Variants in SLC30A8 observed in about 807,000 individuals in gnomAD.
The protein encoded by SLC30A8 is proton-coupled zinc antiporter SLC30A8.
In SLC30A8, 27 loss-of-function variants were observed where a neutral mutation model predicts 36.9. The observed-to-expected ratio is 0.73, with a 90% CI of 0.54 to 1.01. The LOEUF (loss-of-function observed/expected upper bound fraction) is 1.01, where lower values mean the gene tolerates loss of function less well. Among genes scored for constraint, SLC30A8 ranks in the 50% least tolerant of loss-of-function variants. The pLI, the probability that SLC30A8 is intolerant of heterozygous loss-of-function variation, is 0.00. For synonymous variants in SLC30A8, 164 were observed against 172.4 expected, an observed-to-expected ratio of 0.95 and a Z score of 0.38; for missense variants, 439 against 452.0, an observed-to-expected ratio of 0.97 and a Z score of 0.26.
chr8:117,135,992 A>C (rs1371225252), intron 1 of SLC30A8, among the ~76,000 whole-genome samples: 1 of 151,958 alleles, frequency 6.6e-6, no homozygotes, highest in Non-Finnish European at 1.5e-5. Context: ...TAAGTGCAGA[A>C]CTTATAATGA....
chr8:117,137,002 A>G (rs1326150709), intron 1 of SLC30A8, among the ~76,000 whole-genome samples: 2 of 152,036 alleles, frequency 1.3e-5, no homozygotes, highest in African/African-American at 4.8e-5. Context: ...AGATAGAACA[A>G]ATGCCTTTCT....
intron 2 of SLC30A8, among the ~76,000 whole-genome samples, chr8:117,045,899 A>G (rs2130764380): frequency 6.7e-6 from 1 of 150,074 alleles, no homozygotes; most frequent in African/African-American, 2.4e-5. Context: ...CCCTTTTTCA[A>G]GGAGAGCCTG....
At chr8:117,162,672 A>G (rs1480997413) in intron 5 of SLC30A8, among the ~76,000 whole-genome samples, 2 of 152,252 alleles carry the variant, frequency 1.3e-5, no homozygotes, top group African/African-American at 4.8e-5. Context: ...GAAAAATTAC[A>G]AAGACATATC....
intron 2 of SLC30A8, among the ~76,000 whole-genome samples, chr8:117,061,746 T>C (rs765335438): frequency 2.0e-5 from 3 of 152,174 alleles, no homozygotes; most frequent in Non-Finnish European, 2.9e-5. Context: ...AGCTATCAGC[T>C]TTGTCTGTGA....
intron 1 of SLC30A8, among the ~76,000 whole-genome samples, chr8:117,001,547 C>G (rs1188483256): frequency 6.6e-6 from 1 of 152,100 alleles, no homozygotes; most frequent in Non-Finnish European, 1.5e-5. Flanking sequence ...TGCCAAATGG[C>G]TGACTCATTC....
intron 2 of SLC30A8, among the ~76,000 whole-genome samples, chr8:117,108,086 GTAAAT>G (rs1820072413): frequency 6.6e-6 from 1 of 152,086 alleles, no homozygotes; most frequent in African/African-American, 2.4e-5. Context: ...ATTTCGATGA[GTAAAT>G]TATATTTTTC....
chr8:117,008,218 T>G (rs1816241751), intron 1 of SLC30A8, among the ~76,000 whole-genome samples: 1 of 152,216 alleles, frequency 6.6e-6, no homozygotes, highest in Non-Finnish European at 1.5e-5. Flanking sequence ...TTGGATGAAC[T>G]TTGCTCTTAA....
chr8:117,157,405 CAG>C (rs756736043), intron 3 of SLC30A8, among the ~76,000 whole-genome samples: 14 of 152,110 alleles, frequency 9.2e-5, no homozygotes, highest in African/African-American at 1.2e-4. Context: ...CCAAGGAAAA[CAG>C]GGGGTAGGGG....
chr8:117,157,872 T>C, intron 4 of SLC30A8, 28 bp downstream of exon 4: 1 of 1,611,452 alleles, frequency 6.2e-7, no homozygotes, highest in Non-Finnish European at 8.5e-7. Flanking sequence ...CCCCACACAC[T>C]GCTCATGAGG....
chr8:116,966,838 G>A (rs1458229186), intron 1 of SLC30A8, among the ~76,000 whole-genome samples: 2 of 152,128 alleles, frequency 1.3e-5, no homozygotes, highest in African/African-American at 4.8e-5. Flanking sequence ...GTGGCATGAT[G>A]GCAATGGAAT....
At chr8:116,987,801 T>C (rs1430136122) in intron 1 of SLC30A8, among the ~76,000 whole-genome samples, 2 of 152,208 alleles carry the variant, frequency 1.3e-5, no homozygotes, top group Non-Finnish European at 2.9e-5. Context: ...ACTCAAGCAA[T>C]TCTCCTGCCT....
At chr8:116,973,011 A>G (rs192151893) in intron 1 of SLC30A8, among the ~76,000 whole-genome samples, 2 of 152,282 alleles carry the variant, frequency 1.3e-5, no homozygotes, top group Admixed American at 6.5e-5. Flanking sequence ...GAAGGTGATT[A>G]GGTCTCATGA....
chr8:117,093,071 T>A (rs571362422), intron 2 of SLC30A8, among the ~76,000 whole-genome samples: 7 of 152,060 alleles, frequency 4.6e-5, no homozygotes, highest in Non-Finnish European at 4.4e-5. Context: ...CCCTTAATAC[T>A]AAGGTCTTAA....
At chr8:116,994,654 G>A (rs1421930351) in intron 1 of SLC30A8, among the ~76,000 whole-genome samples, 1 of 152,070 alleles carries the variant, frequency 6.6e-6, no homozygotes, top group Non-Finnish European at 1.5e-5. Flanking sequence ...TCCAGTCCTG[G>A]TAATATACTA....
intron 1 of SLC30A8, among the ~76,000 whole-genome samples, chr8:116,990,767 T>C (rs1049385616): frequency 6.6e-6 from 1 of 152,196 alleles, no homozygotes; most frequent in African/African-American, 2.4e-5. Flanking sequence ...ATGTAAGATG[T>C]TAACACAGGG....
rs78667791 is a variant in SLC30A8 at position 117,104,814 on chromosome 8, A to G, written c.-225-30466A>G. Among the ~76,000 whole-genome samples the G allele has an allele frequency of 2.7e-3, 414 of 152,292 alleles. 9 individuals carry two copies. In the East Asian group the frequency reaches 0.063, roughly 23 times the overall value. On this transcript the variant is annotated intron_variant, in intron 2 of 10. Coordinates refer to the SLC30A8 transcript ENST00000427715. ...TATGGTTATATCTTGATTATATGCT[A>G]AACAATGTGTGGACTCCTCATGAGT...
intron 2 of SLC30A8, among the ~76,000 whole-genome samples, chr8:117,149,985 A>G (rs973395728): frequency 1.4e-4 from 22 of 152,192 alleles, no homozygotes; most frequent in African/African-American, 4.8e-4. Context: ...AGAATGTGGG[A>G]GGAAACCCTA....
At chr8:117,112,911 A>G (rs1586537847) in intron 2 of SLC30A8, among the ~76,000 whole-genome samples, 1 of 152,260 alleles carries the variant, frequency 6.6e-6, no homozygotes, top group East Asian at 1.9e-4. Flanking sequence ...TTAACTCAGT[A>G]CTTATCTCCT....
At chr8:117,018,893 C>T (rs948836815) in intron 1 of SLC30A8, among the ~76,000 whole-genome samples, 1 of 152,112 alleles carries the variant, frequency 6.6e-6, no homozygotes, top group Non-Finnish European at 1.5e-5. Context: ...GAACTCCTGA[C>T]CTCAGGTGAT....
Sources: gnomAD v4.1 joint callset for allele counts (sites outside exome capture counted in the v4.1 genomes callset) on GRCh38, gnomAD v4.1.1 for gene constraint, MANE v1.5 for transcripts, NCBI Gene and HGNC (gene_info 2026-07-23, HGNC 2026-07-21) for gene names.